Variants in C15orf61 observed in about 807,000 individuals in gnomAD.
C15orf61 encodes the protein uncharacterized protein C15orf61.
A neutral mutation model predicts 13.7 loss-of-function variants in C15orf61; 12 were observed. The observed-to-expected ratio is 0.88, with a 90% CI of 0.56 to 1.42. The LOEUF (loss-of-function observed/expected upper bound fraction) is 1.42. C15orf61 is among the 40% of genes most tolerant of loss of function. C15orf61 has a pLI of 0.00. For synonymous variants in C15orf61, 92 were observed against 94.1 expected (o/e 0.98, Z 0.13); for missense variants, 248 against 213.2 (o/e 1.16, Z -1.02).
intron 1 of C15orf61, among the ~76,000 whole-genome samples, chr15:67,524,661 TCTC>T (rs960224319): frequency 2.6e-5 from 4 of 152,124 alleles, no homozygotes; most frequent in African/African-American, 9.7e-5. Context: ...ATGTGATGCT[TCTC>T]CTGATTAATC....
intron 1 of C15orf61, among the ~76,000 whole-genome samples, chr15:67,522,684 GAC>G (rs1395696887): frequency 5.9e-5 from 9 of 152,268 alleles, no homozygotes; most frequent in African/African-American, 1.9e-4. Context: ...AGGGTGAGGT[GAC>G]TTAGGAAATT....
Position 67,525,928 on chromosome 15 carries a change from C to T in C15orf61, c.347-490C>T, listed in dbSNP as rs1387434424. ...ACTCAGGAGGCTGAGGCAGGAGAAT[C>T]GCTTGAACCCAGGAGGCGGAGGTGG... is the stretch of plus-strand genomic sequence containing the variant. On this transcript the variant is annotated intron_variant, in intron 1 of 1. Transcript: ENST00000342683. The surrounding 1 kb of genome is among the most constrained non-coding windows in gnomAD (Gnocchi z 4.9). 6.6e-6 allele frequency among the ~76,000 whole-genome samples: 1 copy of T among 152,130 alleles called. No homozygotes were observed. The highest frequency in any genetic ancestry group is 1.5e-5 in the Non-Finnish European group (1 of 68,008).
In C15orf61 at chr15:67,521,202, G is replaced by GCGCCAGCGGCTGCGGA; in HGVS notation, c.-45_-30dup. ...GGCGCTCGCCCGGGGGCGCGCTTGC[G>GCGCCAGCGGCTGCGGA]CGCCAGCGGCTGCGGACACCAGCCT... is the stretch of plus-strand genomic sequence containing the variant. On this transcript the variant is annotated 5_prime_UTR_variant, in exon 1 of 2. Transcript: ENST00000342683. 8.6e-7 allele frequency: 1 copy of GCGCCAGCGGCTGCGGA among 1,165,758 alleles called. No individual in the cohort carries two copies. 72.2% of individuals were successfully genotyped at this position (1,165,758 alleles called of 1,614,324 possible). A position where few individuals can be genotyped will look rare whatever the true frequency, so the allele number is the denominator to read the frequency against.
intron 1 of C15orf61, among the ~76,000 whole-genome samples, chr15:67,523,452 CT>C (rs1443354182): frequency 1.3e-5 from 2 of 152,040 alleles, no homozygotes; most frequent in African/African-American, 4.8e-5. Flanking sequence ...CCATTTGCTC[CT>C]TTTCTCCTCC....
chr15:67,530,089 G>A lies in C15orf61; in HGVS notation c.*3544G>A, dbSNP rs2084220692. 6.6e-6 allele frequency: 1 copy of A among 152,210 alleles called. No homozygotes were observed. Among genetic ancestry groups the A allele is most frequent in the Admixed American group, 6.5e-5 (1 of 15,284 alleles). 9.4% of individuals were successfully genotyped at this position (152,210 alleles called of 1,614,324 possible). A position where few individuals can be genotyped will look rare whatever the true frequency, so the allele number is the denominator to read the frequency against. ...TAAACTCTGTTACTGTAAATTAATG[G>A]AAAATGTAACTGCACTTTGCTGAAA... is the stretch of plus-strand genomic sequence containing the variant. On this transcript the variant is annotated 3_prime_UTR_variant, in exon 2 of 2. Transcript: ENST00000342683.
intron 1 of C15orf61, among the ~76,000 whole-genome samples, chr15:67,524,484 T>G (rs1031743818): frequency 1.3e-5 from 2 of 152,176 alleles, no homozygotes; most frequent in Non-Finnish European, 2.9e-5. Context: ...TATTCAGAGA[T>G]TCTTTTGGAC....
rs1022148756 is a variant in C15orf61, at chr15:67,529,233, C to G, written c.*2688C>G. ...TCTAGGCAAATTCCTAGGCAAAATT[C>G]TTAGTTCCTGTGTAAGTTGTGAGCC... On this transcript the variant is annotated 3_prime_UTR_variant, in exon 2 of 2. Transcript: ENST00000342683. This position sits in a 1 kb window ranked among gnomAD's most constrained non-coding sequence, Gnocchi z 4.4. 3 of 152,120 alleles carry G rather than the reference C, an allele frequency of 2.0e-5. No individual in the cohort carries two copies. The highest frequency in any genetic ancestry group is 2.1e-4 in the South Asian group (1 of 4,828). The allele number at this position is 152,120 out of a possible 1,614,324, so 9.4% of individuals were successfully genotyped here.
intron 1 of C15orf61, among the ~76,000 whole-genome samples, chr15:67,524,876 C>T (rs1340984861): frequency 8.1e-6 from 1 of 123,910 alleles, no homozygotes; most frequent in Non-Finnish European, 1.6e-5. Flanking sequence ...CTCCCTCTGT[C>T]GCCAGGCTGG....
At position 67,525,768 on chromosome 15, in the gene C15orf61, A is replaced by G. The variant is rs1250004737; in HGVS notation, c.347-650A>G. Among the ~76,000 whole-genome samples the G allele has an allele frequency of 6.6e-6, 1 of 152,182 alleles. No individual in the cohort carries two copies. The highest frequency in any genetic ancestry group is 1.5e-5 in the Non-Finnish European group (1 of 68,028). On this transcript the variant is annotated intron_variant, in intron 1 of 1. Coordinates refer to ENST00000342683, the MANE Select transcript of C15orf61 (RefSeq NM_001143936.2). The surrounding 1 kb of genome is among the most constrained non-coding windows in gnomAD (Gnocchi z 4.9). ...GGTGGCTCACACCTGTAATCCCAGC[A>G]CTTTCGGAGGCCTAGGCCCAGGATC...
rs758048308 is a variant in C15orf61 at position 67,521,451 on chromosome 15, T to A, written c.203T>A (p.Phe68Tyr). The change falls in exon 1 of 2, where the codon TTC becomes TAC. Residue 68 changes from phenylalanine to tyrosine, a missense_variant. Physicochemically the swap from Phe to Tyr is conservative, Grantham distance 22. Coordinates refer to ENST00000342683, the MANE Select transcript of C15orf61 (RefSeq NM_001143936.2). The part of the protein sequence containing the change: ...VRNDQFGLSH[F>Y]NWPVQGANYH... ...AACGACCAGTTCGGCCTCTCGCACTTCAACTGGCCGGTGCAGGGCGCCAAC... is the reference window on the plus strand; with the variant it reads ...AACGACCAGTTCGGCCTCTCGCACTACAACTGGCCGGTGCAGGGCGCCAAC... The A allele has an allele frequency of 1.3e-6, 2 of 1,547,844 alleles. No individual in the cohort carries two copies. The highest frequency in any genetic ancestry group is 2.4e-5 in the South Asian group (2 of 84,062).
intron 1 of C15orf61, 122 bp downstream of exon 1, chr15:67,521,716 C>T: frequency 9.5e-7 from 1 of 1,050,642 alleles, no homozygotes; most frequent in Non-Finnish European, 1.3e-6. Flanking sequence ...GCTCTGCCTC[C>T]CGGCGCCGGC....
In C15orf61 at chr15:67,526,475, CTG is replaced by C. The variant is rs750942697; in HGVS notation, c.407_408del (p.Val136AlafsTer14). The C allele has an allele frequency of 5.8e-6, 9 of 1,539,882 alleles. No individual in the cohort carries two copies. The South Asian group carries it at 9.6e-5, about 16-fold the overall frequency. On this transcript the variant is annotated frameshift_variant, in exon 2 of 2. Transcript: ENST00000342683. LOFTEE classifies it high-confidence loss of function. The stretch of plus-strand genomic sequence containing the variant: ...TGGTTATTTGCCAGAGTCACAGAGA[CTG>C]TGCATACCAGTTATGGACCCATAAC...
Position 67,527,439 on chromosome 15 carries a change from T to G in C15orf61, c.*894T>G, listed in dbSNP as rs2084204811. 6.6e-6 allele frequency: 1 copy of G among 152,190 alleles called. No individual in the cohort carries two copies. Among genetic ancestry groups the G allele is most frequent in the Non-Finnish European group, 1.5e-5 (1 of 68,002 alleles). The allele number at this position is 152,190 out of a possible 1,614,324, so 9.4% of individuals were successfully genotyped here. A position where few individuals can be genotyped will look rare whatever the true frequency, so the allele number is the denominator to read the frequency against. ...TTGAAAGCCAAGTCATTTAAAAAAA[T>G]GTATCCTTGGGGTAGTCACAAAATA... is the stretch of plus-strand genomic sequence containing the variant. On this transcript the variant is annotated 3_prime_UTR_variant, in exon 2 of 2. Transcript: ENST00000342683.
At position 67,521,494 on chromosome 15, in the gene C15orf61, C is replaced by T. The variant is rs902483398; in HGVS notation, c.246C>T (p.Thr82=). 20 of 1,548,438 alleles carry T rather than the reference C, an allele frequency of 1.3e-5. No homozygotes were observed. The highest frequency in any genetic ancestry group is 1.6e-5 in the Non-Finnish European group (18 of 1,146,754). ...GCGCCAACTACCACGTCCTGCGCAC[C>T]GGCTGCTTCCCCTTCATCAAGTACC... is the stretch of plus-strand genomic sequence containing the variant. ...VQGANYHVLR[T]GCFPFIKYHC... The change falls in exon 1 of 2, where the codon ACC becomes ACT. Residue 82 remains threonine (T), a synonymous_variant. Transcript: ENST00000342683.
rs1020759182 is a variant in C15orf61 at position 67,527,628 on chromosome 15, A to G, written c.*1083A>G. The G allele has an allele frequency of 3.9e-5, 6 of 152,348 alleles. No individual in the cohort carries two copies. Among genetic ancestry groups the G allele is most frequent in the Middle Eastern group, 3.4e-3 (1 of 294 alleles). The allele number at this position is 152,348 out of a possible 1,614,324, so 9.4% of individuals were successfully genotyped here. On this transcript the variant is annotated 3_prime_UTR_variant, in exon 2 of 2. Transcript: ENST00000342683. ...GTTAATGTGTTGCTGATACTCTGCA[A>G]CACTTACACATTTTTGTAGCAAAAC...
chr15:67,521,445 C>T lies in C15orf61; in HGVS notation c.197C>T (p.Ser66Leu), dbSNP rs1055278683. The change falls in exon 1 of 2, where the codon TCG (serine) becomes TTG (leucine). Residue 66 changes from serine to leucine, a missense_variant. Transcript: ENST00000342683. ...GTCCGCAACGACCAGTTCGGCCTCTCGCACTTCAACTGGCCGGTGCAGGGC... is the reference window on the plus strand; with the variant it reads ...GTCCGCAACGACCAGTTCGGCCTCTTGCACTTCAACTGGCCGGTGCAGGGC... ...SAVRNDQFGL[S>L]HFNWPVQGAN... The T allele has an allele frequency of 3.9e-6, 6 of 1,547,482 alleles. No individual in the cohort carries two copies. The highest frequency in any genetic ancestry group is 2.0e-5 in the Admixed American group (1 of 50,984).
Position 67,521,327 on chromosome 15 carries a change from C to T in C15orf61, c.79C>T (p.Arg27Cys), listed in dbSNP as rs1340435753. 3.3e-6 allele frequency: 5 copies of T among 1,530,512 alleles called. No individual in the cohort carries two copies. Among genetic ancestry groups the T allele is most frequent in the Non-Finnish European group, 4.4e-6 (5 of 1,143,522 alleles). 94.8% of individuals were successfully genotyped at this position (1,530,512 alleles called of 1,614,324 possible). Residue 27 changes from arginine to cysteine, a missense_variant, in exon 1 of 2, where the codon CGC becomes TGC. Arg to Cys is a radical substitution (Grantham distance 180). Transcript: ENST00000342683. ...GCCGTGGGCCTCGCGCGCCGCCGCC[C>T]GCCCCAAGCCCAGCGCCTCGGAGGT... ...CRPWASRAAA[R>C]PKPSASEVLT...
At chr15:67,526,355 C>A in intron 1 of C15orf61, 63 bp from the exon 2 acceptor site, 1 of 1,061,000 alleles carries the variant, frequency 9.4e-7, no homozygotes, top group Non-Finnish European at 1.4e-6. Flanking sequence ...GAGTGTTATA[C>A]GTGATCAGTA....
At position 67,521,484 on chromosome 15, in the gene C15orf61, T is replaced by A. The variant is rs141942981; in HGVS notation, c.236T>A (p.Val79Asp). 6.5e-7 allele frequency: 1 copy of A among 1,548,514 alleles called. No individual in the cohort carries two copies. The highest frequency in any genetic ancestry group is 8.7e-7 in the Non-Finnish European group (1 of 1,146,662). ...NWPVQGANYH[V>D]LRTGCFPFIK... ...CCGGTGCAGGGCGCCAACTACCACG[T>A]CCTGCGCACCGGCTGCTTCCCCTTC... The change falls in exon 1 of 2, where the codon GTC becomes GAC. Residue 79 changes from valine to aspartate, a missense_variant. Transcript: ENST00000342683.
Sources: gnomAD v4.1 joint callset for allele counts (sites outside exome capture counted in the v4.1 genomes callset) on GRCh38, gnomAD v4.1.1 for gene constraint, Gnocchi (gnomAD v3.1) non-coding constraint, MANE v1.5 for transcripts, NCBI Gene and HGNC (gene_info 2026-07-23, HGNC 2026-07-21) for gene names.